The following EPN2 variants were observed in gnomAD, a reference collection of about 807,000 sequenced individuals.
The protein encoded by EPN2 is epsin-2.
In EPN2, 34 loss-of-function variants were observed where a neutral mutation model predicts 61.7. The ratio of observed to expected loss-of-function variants is 0.55; its 90% confidence interval spans 0.42 to 0.73. EPN2 has a LOEUF of 0.73. Ranked by LOEUF, EPN2 falls within the 30% of genes least tolerant of loss-of-function variation. The probability of loss-of-function intolerance (pLI) is 0.00; values close to 1 mark genes in which losing one functional copy is unlikely to be tolerated. For synonymous variants in EPN2, 349 were observed against 353.6 expected, an observed-to-expected ratio of 0.99 and a Z score of 0.15; for missense variants, 714 against 839.2, an observed-to-expected ratio of 0.85 and a Z score of 1.84.
At chr17:19,277,039 A>G (rs2045314271) in intron 1 of EPN2, among the ~76,000 whole-genome samples, 1 of 152,188 alleles carries the variant, frequency 6.6e-6, no homozygotes, top group African/African-American at 2.4e-5. Flanking sequence ...TGGAAAATTG[A>G]GAAGGAAAGT....
At position 19,312,081 on chromosome 17, in the gene EPN2, C is replaced by T. The variant is rs759084323; in HGVS notation, c.909C>T (p.Leu303=). The T allele has an allele frequency of 3.7e-6, 6 of 1,614,122 alleles. No homozygotes were observed. The highest frequency in any genetic ancestry group is 5.1e-6 in the Non-Finnish European group (6 of 1,179,932). Residue 303 remains leucine, a synonymous_variant, in exon 6 of 11, where the codon CTC becomes CTT. Transcript: ENST00000314728. ...QEERLRRGDD[L]RLQMALEESR... ...AACGCCTCAGGCGGGGTGATGACCT[C>T]AGATTACAGATGGCCCTGGAAGAAA...
intron 4 of EPN2, among the ~76,000 whole-genome samples, chr17:19,291,687 G>T (rs934065842): frequency 7.2e-5 from 11 of 152,058 alleles, no homozygotes; most frequent in Non-Finnish European, 1.5e-4. Flanking sequence ...TGATCCACCC[G>T]CCTCGGCCTC....
At position 19,335,621 on chromosome 17, in the gene EPN2, G is replaced by C. The variant is rs529904622; in HGVS notation, c.*1367G>C. ...ACAGTCCCTAGGCTAAGACAGGGGT[G>C]GGGGGCTAAGGGACCAGGGCTGGCC... On this transcript the variant is annotated 3_prime_UTR_variant, in exon 11 of 11. Coordinates refer to ENST00000314728, the MANE Select transcript of EPN2 (RefSeq NM_014964.5). 10 of 575,952 alleles carry C rather than the reference G, an allele frequency of 1.7e-5. No individual in the cohort carries two copies. Among genetic ancestry groups the C allele is most frequent in the East Asian group, 6.2e-5 (2 of 32,134 alleles). The allele number at this position is 575,952 out of a possible 1,614,324, so 35.7% of individuals were successfully genotyped here.
chr17:19,320,312 T>C (rs950385659), intron 7 of EPN2, among the ~76,000 whole-genome samples: 2 of 152,178 alleles, frequency 1.3e-5, no homozygotes, highest in Non-Finnish European at 2.9e-5. Flanking sequence ...GGGGCCATCC[T>C]GGGGCCAGGC....
At chr17:19,308,422 T>C (rs893694339) in intron 4 of EPN2, 51 of 985,208 alleles carry the variant, frequency 5.2e-5, no homozygotes, top group Non-Finnish European at 6.0e-5. Context: ...TTGAATTCTG[T>C]AGTTGTCCAT....
At chr17:19,277,358 A>C (rs981667876) in intron 1 of EPN2, among the ~76,000 whole-genome samples, 3 of 144,788 alleles carry the variant, frequency 2.1e-5, no homozygotes, top group Admixed American at 7.3e-5. Flanking sequence ...CCGAGATTGC[A>C]CCACGGCACT....
chr17:19,284,490 G>C (rs2045385996), intron 3 of EPN2, among the ~76,000 whole-genome samples: 1 of 152,188 alleles, frequency 6.6e-6, no homozygotes. Flanking sequence ...CCACAGTGTG[G>C]ACCCCACACT....
intron 10 of EPN2, among the ~76,000 whole-genome samples, chr17:19,333,143 A>G (rs1386415628): frequency 1.3e-5 from 2 of 151,800 alleles, no homozygotes; most frequent in East Asian, 3.9e-4. Context: ...GCCAGCCAGG[A>G]GTCTGTGTCT....
intron 4 of EPN2, among the ~76,000 whole-genome samples, chr17:19,295,221 G>A (rs1434724099): frequency 6.6e-6 from 1 of 152,086 alleles, no homozygotes; most frequent in Non-Finnish European, 1.5e-5. Context: ...CAGGAAAGGT[G>A]CTCAGAACAT....
intron 4 of EPN2, among the ~76,000 whole-genome samples, chr17:19,288,082 C>T (rs1165983280): frequency 6.6e-6 from 1 of 152,240 alleles, no homozygotes. Context: ...ATGCCAGGCC[C>T]TGCAGGGCCA....
In EPN2 at chr17:19,334,927, T is replaced by C. The variant is rs1907330919; in HGVS notation, c.*673T>C. On this transcript the variant is annotated 3_prime_UTR_variant, in exon 11 of 11. Coordinates refer to ENST00000314728, the MANE Select transcript of EPN2 (RefSeq NM_014964.5). The surrounding 1 kb of genome is among the most constrained non-coding windows in gnomAD (Gnocchi z 4.9). ...TCTAATAGTCTTTTTTTGGCTAATA[T>C]TTTTATAACGTGGTTCTTATTTAAC... The C allele has an allele frequency of 6.5e-6, 1 of 154,000 alleles. No homozygotes were observed. The highest frequency in any genetic ancestry group is 6.5e-5 in the Admixed American group (1 of 15,412). 9.5% of individuals were successfully genotyped at this position (154,000 alleles called of 1,614,324 possible).
chr17:19,263,112 G>A (rs2045160176), intron 1 of EPN2, among the ~76,000 whole-genome samples: 2 of 152,152 alleles, frequency 1.3e-5, no homozygotes, highest in South Asian at 4.1e-4. Flanking sequence ...CCTGACATAG[G>A]CACCCACTGT....
intron 1 of EPN2, among the ~76,000 whole-genome samples, chr17:19,269,959 T>G (rs1186694140): frequency 6.6e-6 from 1 of 152,222 alleles, no homozygotes; most frequent in Non-Finnish European, 1.5e-5. Context: ...TTCTTGTTCT[T>G]ACGATTTTGA....
At chr17:19,242,660 A>C (rs767763690) in intron 1 of EPN2, among the ~76,000 whole-genome samples, 1 of 152,174 alleles carries the variant, frequency 6.6e-6, no homozygotes, top group Non-Finnish European at 1.5e-5. Flanking sequence ...AGGTAACTTA[A>C]TTCTCTTTCT....
intron 1 of EPN2, among the ~76,000 whole-genome samples, chr17:19,263,487 T>C (rs1321530888): frequency 6.6e-6 from 1 of 152,172 alleles, no homozygotes; most frequent in African/African-American, 2.4e-5. Flanking sequence ...ATGGGTATGA[T>C]GATATTGGAA....
intron 1 of EPN2, among the ~76,000 whole-genome samples, chr17:19,243,220 CT>C (rs71155386): frequency 1.1e-4 from 14 of 127,086 alleles, no homozygotes; most frequent in Middle Eastern, 3.9e-3. Flanking sequence ...GAGAATGTGT[CT>C]TTTTTTTTTT....
chr17:19,290,128 C>T (rs924409447), intron 4 of EPN2, among the ~76,000 whole-genome samples: 1 of 152,156 alleles, frequency 6.6e-6, no homozygotes, highest in African/African-American at 2.4e-5. Context: ...CTCACATGAT[C>T]CTGGCATGTA....
chr17:19,248,151 G>T (rs897634948), intron 1 of EPN2, among the ~76,000 whole-genome samples: 1 of 152,168 alleles, frequency 6.6e-6, no homozygotes, highest in African/African-American at 2.4e-5. Context: ...TGTGGTGCGG[G>T]GACTGGGTTC....
intron 1 of EPN2, among the ~76,000 whole-genome samples, chr17:19,238,328 C>T (rs762974588): frequency 6.6e-6 from 1 of 152,224 alleles, no homozygotes; most frequent in Non-Finnish European, 1.5e-5. Flanking sequence ...AGCCGAGAGC[C>T]GAGCGCGTTG....
Sources: allele counts gnomAD v4.1 joint callset (sites outside exome capture counted in the v4.1 genomes callset), GRCh38; gene constraint gnomAD v4.1.1; non-coding constraint Gnocchi (gnomAD v3.1); transcripts MANE v1.5; gene names NCBI Gene and HGNC (gene_info 2026-07-23, HGNC 2026-07-21).